KLF12: variants seen among roughly 807,000 people sequenced by gnomAD.
The protein encoded by KLF12 is KLF transcription factor 12.
KLF12 carries 9 observed loss-of-function variants against 37.8 expected under a neutral mutation model. The ratio of observed to expected loss-of-function variants is 0.24; its 90% CI spans 0.14 to 0.42. The LOEUF (loss-of-function observed/expected upper bound fraction) is 0.42, where lower values mean the gene tolerates loss of function less well. Among genes scored for constraint, KLF12 ranks in the 10% least tolerant of loss-of-function variants. KLF12 has a pLI of 1.00. For synonymous variants in KLF12, 208 were observed against 202.1 expected (o/e 1.03, Z -0.25); for missense variants, 411 against 516.0 (o/e 0.80, Z 1.97).
chr13:73,775,830 AG>A (rs1279737436), intron 5 of KLF12, among the ~76,000 whole-genome samples: 3 of 152,232 alleles, frequency 2.0e-5, no homozygotes, highest in African/African-American at 7.2e-5. Context: ...CTATAAAAAG[AG>A]GCAAAGTTAA....
the KLF12 span, among the ~76,000 whole-genome samples, chr13:74,249,273 T>C: frequency 4.6e-5 from 7 of 151,974 alleles, no homozygotes; most frequent in East Asian, 9.7e-4. Context: ...AAATATTTGA[T>C]ACTTTTAGTA....
chr13:74,151,930 G>A, the KLF12 span, among the ~76,000 whole-genome samples: 8 of 152,140 alleles, frequency 5.3e-5, no homozygotes, highest in South Asian at 1.0e-3. Context: ...AAAAATGCAC[G>A]TTGAAAAGAA....
At chr13:74,246,431 C>T in the KLF12 span, among the ~76,000 whole-genome samples, 1 of 152,176 alleles carries the variant, frequency 6.6e-6, no homozygotes, top group African/African-American at 2.4e-5. Flanking sequence ...GCATAAAATG[C>T]AGTGGGCTCA....
At chr13:73,810,090 C>T (rs1427666025) in intron 5 of KLF12, among the ~76,000 whole-genome samples, 1 of 152,114 alleles carries the variant, frequency 6.6e-6, no homozygotes, top group Non-Finnish European at 1.5e-5. Context: ...ACAAAAAATA[C>T]AAAAATTAGC....
intron 3 of KLF12, among the ~76,000 whole-genome samples, chr13:73,849,494 A>T (rs1289072173): frequency 6.6e-6 from 1 of 151,890 alleles, no homozygotes; most frequent in Non-Finnish European, 1.5e-5. Flanking sequence ...AAGGCTGAGG[A>T]GATACAAAGG....
At position 73,689,734 on chromosome 13, in the gene KLF12, G is replaced by A. The variant is rs528836009; in HGVS notation, c.*5756C>T. 3.3e-5 allele frequency: 5 copies of A among 152,126 alleles called. No homozygotes were observed. Among genetic ancestry groups the A allele is most frequent in the Non-Finnish European group, 7.4e-5 (5 of 68,016 alleles). The allele number at this position is 152,126 out of a possible 1,614,324, so 9.4% of individuals were successfully genotyped here. A position where few individuals can be genotyped will look rare whatever the true frequency, so the allele number is the denominator to read the frequency against. ...TAAGATGATAATAGGAAATATTAGG[G>A]GAAAGGGGAATGAAGAAATGTAAAG... is the stretch of plus-strand genomic sequence containing the variant. On this transcript the variant is annotated 3_prime_UTR_variant, in exon 8 of 8. Transcript: ENST00000377669.
At chr13:73,869,859 C>T (rs1886380810) in intron 3 of KLF12, among the ~76,000 whole-genome samples, 1 of 152,188 alleles carries the variant, frequency 6.6e-6, no homozygotes, top group African/African-American at 2.4e-5. Context: ...TTTGACAAAA[C>T]AAGTACTGAA....
At chr13:73,715,616 G>T in intron 6 of KLF12, 91 bp from the exon 7 acceptor site, 2 of 1,299,088 alleles carry the variant, frequency 1.5e-6, no homozygotes, top group Non-Finnish European at 2.2e-6. Flanking sequence ...AGACACTACA[G>T]CTTCACAGAC....
chr13:74,001,184 G>T (rs1892272468), intron 1 of KLF12, among the ~76,000 whole-genome samples: 1 of 152,158 alleles, frequency 6.6e-6, no homozygotes, highest in African/African-American at 2.4e-5. Flanking sequence ...CATCTATCAG[G>T]AGGCATTTTT....
intron 3 of KLF12, among the ~76,000 whole-genome samples, chr13:73,901,401 G>A (rs1888034397): frequency 1.3e-5 from 2 of 152,072 alleles, no homozygotes; most frequent in African/African-American, 4.8e-5. Flanking sequence ...CCTTTTTGTT[G>A]CCATAGAAAT....
At chr13:73,824,979 G>A (rs1394251739) in intron 4 of KLF12, among the ~76,000 whole-genome samples, 1 of 151,888 alleles carries the variant, frequency 6.6e-6, no homozygotes, top group Non-Finnish European at 1.5e-5. Flanking sequence ...TGAAGTAGGA[G>A]AATCGCTTGA....
At chr13:73,957,859 A>G (rs1890891738) in intron 2 of KLF12, among the ~76,000 whole-genome samples, 1 of 152,220 alleles carries the variant, frequency 6.6e-6, no homozygotes, top group South Asian at 2.1e-4. Flanking sequence ...TGCTCTTTAT[A>G]AAAAATTAAA....
At chr13:74,215,698 C>T in the KLF12 span, among the ~76,000 whole-genome samples, 57 of 152,198 alleles carry the variant, frequency 3.7e-4, no homozygotes, top group African/African-American at 1.2e-3. Context: ...TTTGTCATTT[C>T]GCTGCACCAG....
At chr13:74,237,810 A>G in the KLF12 span, among the ~76,000 whole-genome samples, 2 of 152,258 alleles carry the variant, frequency 1.3e-5, no homozygotes, top group African/African-American at 4.8e-5. Context: ...ACTTTGCTGA[A>G]GTTGCTTATC....
chr13:73,962,308 A>T (rs1289841670), intron 2 of KLF12, among the ~76,000 whole-genome samples: 1 of 152,206 alleles, frequency 6.6e-6, no homozygotes, highest in Non-Finnish European at 1.5e-5. Flanking sequence ...TAAAATGATC[A>T]AGAGATGCCA....
intron 1 of KLF12, among the ~76,000 whole-genome samples, chr13:74,108,113 AC>A (rs1282140647): frequency 6.6e-6 from 1 of 152,100 alleles, no homozygotes; most frequent in Non-Finnish European, 1.5e-5. Context: ...ATGTATTATA[AC>A]TCACAATAGA....
intron 5 of KLF12, among the ~76,000 whole-genome samples, chr13:73,803,772 TCACACACACACACA>T (rs4053528): frequency 3.9e-4 from 55 of 142,048 alleles, no homozygotes; most frequent in African/African-American, 5.4e-4. Context: ...TACTGCAGAG[TCACACACACACACA>T]CACACACACA....
intron 2 of KLF12, among the ~76,000 whole-genome samples, chr13:73,978,456 C>T (rs1891602570): frequency 6.6e-6 from 1 of 152,152 alleles, no homozygotes; most frequent in African/African-American, 2.4e-5. Context: ...CTGACAACTC[C>T]AAATGTTGGC....
intron 1 of KLF12, among the ~76,000 whole-genome samples, chr13:74,126,600 T>TATGAGATG (rs1877957440): frequency 6.6e-6 from 1 of 152,198 alleles, no homozygotes; most frequent in South Asian, 2.1e-4. Flanking sequence ...TGCTTTCATT[T>TATGAGATG]CCCCTTTTTC....
Sources: allele counts gnomAD v4.1 joint callset (sites outside exome capture counted in the v4.1 genomes callset), GRCh38; gene constraint gnomAD v4.1.1; transcripts MANE v1.5; gene names NCBI Gene and HGNC (gene_info 2026-07-23, HGNC 2026-07-21).